The following MAGI2 variants were observed in gnomAD, a reference collection of about 807,000 sequenced individuals.
The protein encoded by MAGI2 is membrane associated guanylate kinase, WW and PDZ domain containing 2, also known as membrane-associated guanylate kinase, WW and PDZ domain-containing protein 2.
Under a neutral mutation model 133.3 loss-of-function variants are expected in MAGI2, and 35 were observed. That is an observed-to-expected ratio of 0.26 (90% CI 0.20 to 0.35). The LOEUF (loss-of-function observed/expected upper bound fraction) is 0.35. Among genes scored for constraint, MAGI2 ranks in the 10% least tolerant of loss-of-function variants. The pLI, the probability that MAGI2 is intolerant of heterozygous loss-of-function variation, is 1.00. For synonymous variants in MAGI2, 729 were observed against 710.6 expected, an observed-to-expected ratio of 1.03 and a Z score of -0.41; for missense variants, 1,636 against 1,863.4, an observed-to-expected ratio of 0.88 and a Z score of 2.25.
chr7:78,514,837 A>G (rs1400802984), intron 4 of MAGI2, among the ~76,000 whole-genome samples: 1 of 152,124 alleles, frequency 6.6e-6, no homozygotes, highest in Non-Finnish European at 1.5e-5. Flanking sequence ...TGCCGAGGAC[A>G]CTTGGTGATC....
At chr7:79,393,276 T>G (rs543217441) in intron 1 of MAGI2, among the ~76,000 whole-genome samples, 1 of 152,294 alleles carries the variant, frequency 6.6e-6, no homozygotes, top group East Asian at 1.9e-4. Context: ...TCAGAGAGAC[T>G]GCATAAGTAA....
At chr7:78,359,622 G>A (rs1482434775) in intron 7 of MAGI2, among the ~76,000 whole-genome samples, 1 of 152,038 alleles carries the variant, frequency 6.6e-6, no homozygotes, top group East Asian at 1.9e-4. Context: ...CCTTCTGAGA[G>A]GCCTTCTTTC....
At chr7:79,435,286 C>T (rs1848057339) in intron 1 of MAGI2, among the ~76,000 whole-genome samples, 1 of 152,166 alleles carries the variant, frequency 6.6e-6, no homozygotes, top group Non-Finnish European at 1.5e-5. Flanking sequence ...AAACATTCTA[C>T]ATATTTTAAG....
chr7:78,553,995 C>A (rs1278578662), intron 3 of MAGI2, among the ~76,000 whole-genome samples: 1 of 152,130 alleles, frequency 6.6e-6, no homozygotes, highest in Admixed American at 6.6e-5. Flanking sequence ...TCCATAAAAT[C>A]TGTTGGTTAT....
intron 2 of MAGI2, among the ~76,000 whole-genome samples, chr7:78,879,667 C>T (rs1279006699): frequency 6.6e-6 from 1 of 151,880 alleles, no homozygotes; most frequent in Non-Finnish European, 1.5e-5. Context: ...ATTCTGTTAC[C>T]ATAAAAAATC....
At chr7:78,761,837 A>G (rs1420973023) in intron 2 of MAGI2, among the ~76,000 whole-genome samples, 1 of 151,956 alleles carries the variant, frequency 6.6e-6, no homozygotes, top group Non-Finnish European at 1.5e-5. Context: ...ATGCTGGTCT[A>G]TAGGCCACAT....
intron 1 of MAGI2, among the ~76,000 whole-genome samples, chr7:79,116,900 C>T (rs973405070): frequency 1.3e-5 from 2 of 152,148 alleles, no homozygotes; most frequent in East Asian, 1.9e-4. Context: ...GACACTAGCA[C>T]TATGCTGCCT....
chr7:78,619,847 T>C (rs1005003197), intron 3 of MAGI2, among the ~76,000 whole-genome samples: 2 of 151,964 alleles, frequency 1.3e-5, no homozygotes, highest in Non-Finnish European at 2.9e-5. Flanking sequence ...CTTCTACTGG[T>C]CAAATAAACA....
chr7:79,278,529 T>C (rs1835406735), intron 1 of MAGI2, among the ~76,000 whole-genome samples: 1 of 152,184 alleles, frequency 6.6e-6, no homozygotes. Flanking sequence ...ATCATAATAT[T>C]GTGATATTGT....
intron 3 of MAGI2, among the ~76,000 whole-genome samples, chr7:78,533,641 A>G (rs1584525735): frequency 6.6e-6 from 1 of 152,188 alleles, no homozygotes; most frequent in East Asian, 1.9e-4. Flanking sequence ...TCGAGTTGAG[A>G]TGTGCTGTAA....
chr7:79,427,769 A>T (rs367707845), intron 1 of MAGI2, among the ~76,000 whole-genome samples: 2 of 152,252 alleles, frequency 1.3e-5, no homozygotes, highest in African/African-American at 4.8e-5. Flanking sequence ...GTAGAAACAG[A>T]TGTATCATGC....
chr7:79,244,567 C>G (rs956952111), intron 1 of MAGI2, among the ~76,000 whole-genome samples: 2 of 152,206 alleles, frequency 1.3e-5, no homozygotes, highest in Non-Finnish European at 2.9e-5. Flanking sequence ...TTAGACCAGC[C>G]ATAGCCAGAG....
chr7:78,152,415 T>C (rs1390143763), intron 16 of MAGI2, among the ~76,000 whole-genome samples: 3 of 152,120 alleles, frequency 2.0e-5, no homozygotes, highest in Admixed American at 6.5e-5. Context: ...CCTGCAGATA[T>C]TTGTATCAGG....
intron 2 of MAGI2, among the ~76,000 whole-genome samples, chr7:78,856,646 T>A (rs1272030827): frequency 6.6e-6 from 1 of 152,224 alleles, no homozygotes; most frequent in South Asian, 2.1e-4. Context: ...GCTGTTTTGG[T>A]TACTGTAGCC....
intron 1 of MAGI2, among the ~76,000 whole-genome samples, chr7:79,283,601 T>A (rs994856521): frequency 2.0e-5 from 3 of 152,214 alleles, no homozygotes; most frequent in African/African-American, 4.8e-5. Flanking sequence ...AGGTGGAATA[T>A]GTGATGCAAT....
intron 2 of MAGI2, among the ~76,000 whole-genome samples, chr7:78,766,754 G>A (rs1274991086): frequency 6.6e-6 from 1 of 152,076 alleles, no homozygotes; most frequent in Non-Finnish European, 1.5e-5. Context: ...AGTGTGCCTA[G>A]GGAGAATGAG....
chr7:79,378,789 C>A (rs1843549326), intron 1 of MAGI2, among the ~76,000 whole-genome samples: 1 of 150,624 alleles, frequency 6.6e-6, no homozygotes, highest in Admixed American at 6.7e-5. Context: ...AACAGTGCGA[C>A]TGAGGCATCT....
At chr7:78,187,057 T>A (rs1827763145) in intron 12 of MAGI2, among the ~76,000 whole-genome samples, 1 of 152,186 alleles carries the variant, frequency 6.6e-6, no homozygotes, top group Non-Finnish European at 1.5e-5. Context: ...GCAGGATATT[T>A]TTGCCCCTGT....
intron 2 of MAGI2, among the ~76,000 whole-genome samples, chr7:78,840,168 T>C (rs1017851534): frequency 6.6e-6 from 1 of 152,056 alleles, no homozygotes; most frequent in African/African-American, 2.4e-5. Flanking sequence ...GTTTACCAAG[T>C]GGGAATTACC....
Sources: gnomAD v4.1 joint callset for allele counts (sites outside exome capture counted in the v4.1 genomes callset) on GRCh38, gnomAD v4.1.1 for gene constraint, MANE v1.5 for transcripts, NCBI Gene and HGNC (gene_info 2026-07-23, HGNC 2026-07-21) for gene names.